MKLN1: variants seen among roughly 807,000 people sequenced by gnomAD.
MKLN1 encodes the protein muskelin 1.
A neutral mutation model predicts 99.0 loss-of-function variants in MKLN1; 18 were observed. The observed-to-expected ratio is 0.18, with a 90% CI of 0.13 to 0.27. The LOEUF is 0.27. Ranked by LOEUF, MKLN1 falls within the 10% of genes least tolerant of loss-of-function variation. MKLN1 has a pLI of 1.00. For missense variants in MKLN1, 621 were observed against 875.9 expected (o/e 0.71, Z 3.67); for synonymous variants, 288 against 293.2 (o/e 0.98, Z 0.18).
At chr7:131,151,956 A>G (rs781400125) in intron 2 of MKLN1, among the ~76,000 whole-genome samples, 1 of 152,188 alleles carries the variant, frequency 6.6e-6, no homozygotes, top group Non-Finnish European at 1.5e-5. Context: ...TGTCTAGCCC[A>G]TCAATATCCC....
At chr7:131,165,500 T>C (rs1253177138) in intron 2 of MKLN1, among the ~76,000 whole-genome samples, 1 of 152,162 alleles carries the variant, frequency 6.6e-6, no homozygotes, top group African/African-American at 2.4e-5. Flanking sequence ...GAAGAGTGTT[T>C]TACACAGAAG....
chr7:131,198,156 A>G (rs1038172964), intron 2 of MKLN1, among the ~76,000 whole-genome samples: 1 of 152,250 alleles, frequency 6.6e-6, no homozygotes, highest in Non-Finnish European at 1.5e-5. Context: ...AAAACTGTGT[A>G]AAGAATGTAT....
At chr7:131,400,537 A>G (rs966252226) in intron 6 of MKLN1, among the ~76,000 whole-genome samples, 17 of 148,748 alleles carry the variant, frequency 1.1e-4, no homozygotes, top group African/African-American at 3.9e-4. Context: ...ATATATATAT[A>G]TATGCCATTT....
chr7:131,407,480 C>T (rs1794741528), intron 6 of MKLN1, among the ~76,000 whole-genome samples: 1 of 151,808 alleles, frequency 6.6e-6, no homozygotes, highest in Admixed American at 6.6e-5. Flanking sequence ...TCTTTTTTAA[C>T]ATTATTAATA....
At chr7:131,249,304 T>C (rs569597274) in intron 3 of MKLN1, among the ~76,000 whole-genome samples, 28 of 152,350 alleles carry the variant, frequency 1.8e-4, no homozygotes, top group African/African-American at 6.3e-4. Flanking sequence ...CTGACCCATT[T>C]GTTGAAGTGC....
At chr7:131,478,161 C>CT (rs1248261244) in intron 16 of MKLN1, among the ~76,000 whole-genome samples, 1 of 152,062 alleles carries the variant, frequency 6.6e-6, no homozygotes, top group Non-Finnish European at 1.5e-5. Context: ...TCTATACATG[C>CT]TTTTTTTCTC....
chr7:131,490,144 T>C lies in MKLN1; in HGVS notation c.*2416T>C, dbSNP rs148901719. On this transcript the variant is annotated 3_prime_UTR_variant, in exon 18 of 18. Transcript: ENST00000352689. Reference sequence around the variant, plus strand: ...GTATTTCCAAGAATTCCAGCATAGATTATAATTTAAATAATCGAATTTGGT... The same window carrying C: ...GTATTTCCAAGAATTCCAGCATAGACTATAATTTAAATAATCGAATTTGGT... 1.3e-5 allele frequency: 2 copies of C among 152,736 alleles called. No individual in the cohort carries two copies. Among genetic ancestry groups the C allele is most frequent in the East Asian group, 3.9e-4 (2 of 5,182 alleles). 9.5% of individuals were successfully genotyped at this position (152,736 alleles called of 1,614,324 possible).
chr7:131,197,493 C>A (rs999114448), intron 2 of MKLN1, among the ~76,000 whole-genome samples: 3 of 151,082 alleles, frequency 2.0e-5, no homozygotes, highest in Non-Finnish European at 2.9e-5. Context: ...CAAGCAACTC[C>A]CACCTCAGCC....
In MKLN1 at chr7:131,143,026, C is replaced by G. The variant is rs538528404; in HGVS notation, c.-297+85C>G. On this transcript the variant is annotated intron_variant, in intron 2 of 7. Coordinates refer to the MKLN1 transcript ENST00000416992. ...ATAGTAATGCTTTTCAAATTCTTCTCTCTGGAGTCTTCATCAGAAGATGTG... is the reference window on the plus strand; with the variant it reads ...ATAGTAATGCTTTTCAAATTCTTCTGTCTGGAGTCTTCATCAGAAGATGTG... The G allele has an allele frequency of 1.1e-5, 11 of 959,104 alleles. No homozygotes were observed. In the African/African-American group the frequency reaches 1.5e-4, roughly 13 times the overall value. The allele number at this position is 959,104 out of a possible 1,614,324, so 59.4% of individuals were successfully genotyped here.
At chr7:131,257,990 G>A (rs1797681095) in intron 3 of MKLN1, among the ~76,000 whole-genome samples, 1 of 151,908 alleles carries the variant, frequency 6.6e-6, no homozygotes, top group Non-Finnish European at 1.5e-5. Context: ...GCGTGGTGGA[G>A]TGTTCCTGTC....
At chr7:131,395,355 A>G (rs1050179326) in intron 4 of MKLN1, among the ~76,000 whole-genome samples, 2 of 152,068 alleles carry the variant, frequency 1.3e-5, no homozygotes, top group African/African-American at 4.8e-5. Context: ...AATGCTTTAT[A>G]TGCAAATCTC....
rs139743254 is a variant in MKLN1 at position 131,472,271 on chromosome 7, A to AT, written c.2031+1333dup. The AT allele has an allele frequency of 6.6e-5, 10 of 152,306 alleles. No homozygotes were observed. In the East Asian group the frequency reaches 1.9e-3, roughly 29 times the overall value. 9.4% of individuals were successfully genotyped at this position (152,306 alleles called of 1,614,324 possible). A position where few individuals can be genotyped will look rare whatever the true frequency, so the allele number is the denominator to read the frequency against. On this transcript the variant is annotated intron_variant, in intron 16 of 17. Coordinates refer to ENST00000352689, the MANE Select transcript of MKLN1 (RefSeq NM_013255.5). ...AAAATAGCTGTAACTGGGAACAATC[A>AT]TTTTTTCCTTATTTTTGAAGCCAAA...
At chr7:131,202,146 CTTTTTTTTTTTTTTTTTT>C (rs58800874) in intron 2 of MKLN1, among the ~76,000 whole-genome samples, 5 of 60,276 alleles carry the variant, frequency 8.3e-5, no homozygotes, top group South Asian at 5.5e-4. Flanking sequence ...GCACTATTGA[CTTTTTTTTTTTTTTTTTT>C]TTTTTTTTTT....
At chr7:131,114,281 G>T (rs1795241192) in intron 1 of MKLN1, among the ~76,000 whole-genome samples, 1 of 152,144 alleles carries the variant, frequency 6.6e-6, no homozygotes, top group Admixed American at 6.5e-5. Flanking sequence ...AGGAAAAGCA[G>T]GTTGTGGAGT....
chr7:131,429,930 C>A (rs1795475420), intron 9 of MKLN1, among the ~76,000 whole-genome samples: 1 of 152,182 alleles, frequency 6.6e-6, no homozygotes, highest in South Asian at 2.1e-4. Flanking sequence ...ATGTACAGAT[C>A]TGTGTATGCA....
intron 3 of MKLN1, among the ~76,000 whole-genome samples, chr7:131,248,256 G>A (rs911671021): frequency 6.6e-6 from 1 of 151,948 alleles, no homozygotes; most frequent in African/African-American, 2.4e-5. Flanking sequence ...AAATAGAAAT[G>A]TTGAAGACAG....
At chr7:131,136,856 A>G (rs1292130745) in intron 1 of MKLN1, among the ~76,000 whole-genome samples, 1 of 152,038 alleles carries the variant, frequency 6.6e-6, no homozygotes, top group Non-Finnish European at 1.5e-5. Context: ...TTCCTCACCC[A>G]CTCATACAAA....
chr7:131,369,160 A>T (rs925780935), intron 1 of MKLN1, among the ~76,000 whole-genome samples: 9 of 152,206 alleles, frequency 5.9e-5, no homozygotes, highest in African/African-American at 2.2e-4. Flanking sequence ...AATTTATTTG[A>T]TCATTTCCTT....
At chr7:131,222,097 A>T (rs1226955373) in intron 3 of MKLN1, among the ~76,000 whole-genome samples, 1 of 150,188 alleles carries the variant, frequency 6.7e-6, no homozygotes, top group Non-Finnish European at 1.5e-5. Context: ...GGGTTTCACT[A>T]TGTTGGCTAG....
Sources: gnomAD v4.1 joint callset for allele counts (sites outside exome capture counted in the v4.1 genomes callset) on GRCh38, gnomAD v4.1.1 for gene constraint, MANE v1.5 for transcripts, NCBI Gene and HGNC (gene_info 2026-07-23, HGNC 2026-07-21) for gene names.